The following FOXN3 variants were observed in gnomAD, a reference collection of about 807,000 sequenced individuals.
The protein encoded by FOXN3 is forkhead box protein N3.
In FOXN3, 7 loss-of-function variants were observed where a neutral mutation model predicts 38.4. The ratio of observed to expected loss-of-function variants is 0.18; its 90% CI spans 0.10 to 0.34. The LOEUF (loss-of-function observed/expected upper bound fraction) is 0.34. Among genes scored for constraint, FOXN3 ranks in the 10% least tolerant of loss-of-function variants. FOXN3 has a pLI of 1.00. For missense variants in FOXN3, 456 were observed against 613.4 expected (o/e 0.74, Z 2.71); for synonymous variants, 230 against 242.2 (o/e 0.95, Z 0.47).
intron 3 of FOXN3, among the ~76,000 whole-genome samples, chr14:89,289,473 C>T (rs1175121527): frequency 3.9e-5 from 6 of 152,194 alleles, no homozygotes; most frequent in African/African-American, 1.2e-4. Context: ...TTGGGCAACA[C>T]TGCGAGGTAC....
chr14:89,297,650 T>C (rs1488491177), intron 3 of FOXN3, among the ~76,000 whole-genome samples: 1 of 152,012 alleles, frequency 6.6e-6, no homozygotes. Flanking sequence ...AAAGCAGGGA[T>C]TTGAAGAGAT....
At chr14:89,457,264 C>T (rs2139721581) in intron 1 of FOXN3, among the ~76,000 whole-genome samples, 1 of 152,288 alleles carries the variant, frequency 6.6e-6, no homozygotes, top group African/African-American at 2.4e-5. Flanking sequence ...GTGTGTGAGG[C>T]AGAAAGACGC....
At chr14:89,252,358 A>G (rs1196234234) in intron 4 of FOXN3, among the ~76,000 whole-genome samples, 3 of 152,182 alleles carry the variant, frequency 2.0e-5, no homozygotes, top group African/African-American at 7.2e-5. Context: ...TGCAGTACTT[A>G]AAAATCAGGA....
chr14:89,417,070 T>A lies in FOXN3; in HGVS notation c.-214A>T, dbSNP rs1891762473. ...GGGGCGCGGGGGTCGCGGCGCGGCATGGGACCTGCGGCGTCCGCCGGGCGC... is the reference window on the plus strand; with the variant it reads ...GGGGCGCGGGGGTCGCGGCGCGGCAAGGGACCTGCGGCGTCCGCCGGGCGC... On this transcript the variant is annotated 5_prime_UTR_variant, in exon 1 of 6. It removes an upstream start codon present in the reference 5' UTR. Coordinates refer to ENST00000557258, the MANE Select transcript of FOXN3 (RefSeq NM_005197.4). 7.1e-6 allele frequency: 1 copy of A among 141,204 alleles called. No homozygotes were observed. The highest frequency in any genetic ancestry group is 2.1e-4 in the South Asian group (1 of 4,662). 8.7% of individuals were successfully genotyped at this position (141,204 alleles called of 1,614,324 possible).
intron 1 of FOXN3, among the ~76,000 whole-genome samples, chr14:89,618,114 G>C (rs989062227): frequency 1.3e-5 from 2 of 152,178 alleles, no homozygotes; most frequent in Non-Finnish European, 2.9e-5. Flanking sequence ...AGCTCCACAC[G>C]GGAGCTTCCA....
chr14:89,300,963 AT>A (rs932740215), intron 3 of FOXN3, among the ~76,000 whole-genome samples: 13 of 150,668 alleles, frequency 8.6e-5, no homozygotes, highest in Admixed American at 2.0e-4. Context: ...TGCCCGGCTA[AT>A]TTTTTTGCTT....
chr14:89,592,984 G>A (rs929885111), intron 1 of FOXN3, among the ~76,000 whole-genome samples: 3 of 142,590 alleles, frequency 2.1e-5, no homozygotes, highest in Admixed American at 2.1e-4. Context: ...GGATGAACAG[G>A]TAGGAAGGAA....
In FOXN3 at chr14:89,305,290, G is replaced by A. The variant is rs144481584; in HGVS notation, c.681-24276C>T. Among the ~76,000 whole-genome samples, 575 of 152,268 alleles carry A rather than the reference G, an allele frequency of 3.8e-3. 5 individuals are homozygous for A. Among genetic ancestry groups the A allele is most frequent in the African/African-American group, 0.013 (547 of 41,562 alleles). On this transcript the variant is annotated intron_variant, in intron 3 of 5. Coordinates refer to ENST00000557258, the MANE Select transcript of FOXN3 (RefSeq NM_005197.4). The stretch of plus-strand genomic sequence containing the variant: ...ATGCTGGAGCTTCACATATGTTTCA[G>A]AACCCATCGTTCAACAAAAACCTCA...
intron 4 of FOXN3, among the ~76,000 whole-genome samples, chr14:89,272,531 G>A (rs1248539014): frequency 2.8e-4 from 42 of 152,138 alleles, no homozygotes; most frequent in Admixed American, 2.6e-3. Context: ...GATGTTATTT[G>A]GGGTGGGCAG....
upstream of FOXN3, chr14:89,419,500 C>A (rs1891847007): frequency 3.9e-6 from 1 of 255,086 alleles, no homozygotes; most frequent in African/African-American, 2.2e-5. Context: ...CTTGTCTACA[C>A]TGTTTTACAA....
At chr14:89,586,673 C>T (rs1270704762) in intron 1 of FOXN3, among the ~76,000 whole-genome samples, 1 of 152,152 alleles carries the variant, frequency 6.6e-6, no homozygotes, top group African/African-American at 2.4e-5. Context: ...GCAGGGGATG[C>T]GGGCAGGTAG....
chr14:89,506,274 G>GT (rs1487386965), intron 1 of FOXN3, among the ~76,000 whole-genome samples: 3 of 72,922 alleles, frequency 4.1e-5, no homozygotes, highest in Admixed American at 1.4e-4. Flanking sequence ...CGGGAGGGAG[G>GT]TGGGGGGGTC....
chr14:89,432,284 C>T (rs113370949), intron 1 of FOXN3, among the ~76,000 whole-genome samples: 58 of 152,276 alleles, frequency 3.8e-4, no homozygotes, highest in African/African-American at 1.2e-3. Context: ...TGTCCAGTGA[C>T]GGCCCTAACA....
At chr14:89,320,383 G>A (rs1887863656) in intron 3 of FOXN3, among the ~76,000 whole-genome samples, 1 of 152,312 alleles carries the variant, frequency 6.6e-6, no homozygotes, top group East Asian at 1.9e-4. Context: ...TTGTAACCAG[G>A]GTACCCCTGT....
chr14:89,341,504 T>C lies in FOXN3; in HGVS notation c.680+9168A>G, dbSNP rs539918929. On this transcript the variant is annotated intron_variant, in intron 3 of 5. Coordinates refer to ENST00000557258, the MANE Select transcript of FOXN3 (RefSeq NM_005197.4). Reference sequence around the variant, plus strand: ...ATCTTTTATGAATGATGGGTTCCACTTCCCATCTAATTATACTGCACCTCT... The same window carrying C: ...ATCTTTTATGAATGATGGGTTCCACCTCCCATCTAATTATACTGCACCTCT... 2.6e-5 allele frequency among the ~76,000 whole-genome samples: 4 copies of C among 152,330 alleles called. No individual in the cohort carries two copies. In the South Asian group the frequency reaches 8.3e-4, roughly 32 times the overall value.
chr14:89,582,912 AATT>A (rs1184906311), intron 1 of FOXN3, among the ~76,000 whole-genome samples: 10 of 152,106 alleles, frequency 6.6e-5, no homozygotes, highest in African/African-American at 2.2e-4. Flanking sequence ...TACTTAATAC[AATT>A]ATTTTGAGAT....
At chr14:89,167,449 C>T (rs560343206) in intron 5 of FOXN3, among the ~76,000 whole-genome samples, 1 of 152,278 alleles carries the variant, frequency 6.6e-6, no homozygotes, top group East Asian at 1.9e-4. Context: ...GTTGTCCTCC[C>T]CAGGGATTTA....
intron 1 of FOXN3, chr14:89,576,238 T>C (rs535567344): frequency 2.6e-5 from 4 of 152,230 alleles, no homozygotes; most frequent in Non-Finnish European, 4.4e-5. Flanking sequence ...TTAGAAAACG[T>C]TGCTTTCGCA....
chr14:89,313,555 TTAA>T (rs1887631910), intron 3 of FOXN3, among the ~76,000 whole-genome samples: 1 of 135,302 alleles, frequency 7.4e-6, no homozygotes, highest in Non-Finnish European at 1.6e-5. Context: ...AGATGCTGTC[TTAA>T]AAAAAAAAAA....
Sources: gnomAD v4.1 joint callset for allele counts (sites outside exome capture counted in the v4.1 genomes callset) on GRCh38, gnomAD v4.1.1 for gene constraint, MANE v1.5 for transcripts, NCBI Gene and HGNC (gene_info 2026-07-23, HGNC 2026-07-21) for gene names.